PEMT: variants seen among roughly 807,000 people sequenced by gnomAD.
The protein encoded by PEMT is phospholipid methyltransferase.
A neutral mutation model predicts 27.4 loss-of-function variants in PEMT; 23 were observed. The ratio of observed to expected loss-of-function variants is 0.84; its 90% CI spans 0.60 to 1.19. PEMT has a LOEUF of 1.19. Among genes scored for constraint, PEMT ranks in the 50% most tolerant of loss-of-function variants. The pLI is 0.00. For missense variants in PEMT, 307 were observed against 310.1 expected (o/e 0.99, Z 0.07); for synonymous variants, 137 against 139.1 (o/e 0.98, Z 0.11).
chr17:17,549,494 T>C (rs887615256), intron 2 of PEMT, among the ~76,000 whole-genome samples: 2 of 152,210 alleles, frequency 1.3e-5, no homozygotes, highest in Non-Finnish European at 2.9e-5. Flanking sequence ...TTTGTAGAGA[T>C]GGGGTCTTGC....
At chr17:17,548,436 A>G (rs1172753644) in intron 2 of PEMT, among the ~76,000 whole-genome samples, 1 of 152,196 alleles carries the variant, frequency 6.6e-6, no homozygotes, top group Non-Finnish European at 1.5e-5. Flanking sequence ...TCTAGGCTGC[A>G]CTGGAGATCA....
At chr17:17,581,727 A>G (rs58701210) in intron 1 of PEMT, among the ~76,000 whole-genome samples, 3,651 of 152,208 alleles carry the variant, frequency 0.024, 160 homozygotes, top group African/African-American at 0.083. Flanking sequence ...CCAGGTCCCA[A>G]TGGCCTCAGG....
intron 2 of PEMT, among the ~76,000 whole-genome samples, chr17:17,531,971 A>G (rs1908132502): frequency 1.3e-5 from 2 of 152,242 alleles, no homozygotes; most frequent in African/African-American, 4.8e-5. Flanking sequence ...TTGGCAAAGC[A>G]CATACTTCTT....
chr17:17,523,860 C>G lies in PEMT; in HGVS notation c.205-1465G>C, dbSNP rs1043818026. Among the ~76,000 whole-genome samples the G allele has an allele frequency of 2.6e-5, 4 of 152,122 alleles. No homozygotes were observed. The highest frequency in any genetic ancestry group is 9.7e-5 in the African/African-American group (4 of 41,408). ...TCAAAGTAGTTTTTAGCTATGCAACCATCACCACGGTCTAAGTCCAGAACA... is the reference window on the plus strand; with the variant it reads ...TCAAAGTAGTTTTTAGCTATGCAACGATCACCACGGTCTAAGTCCAGAACA... On this transcript the variant is annotated intron_variant, in intron 2 of 6. Coordinates refer to ENST00000255389, the MANE Select transcript of PEMT (RefSeq NM_148172.3). This position sits in a 1 kb window ranked among gnomAD's most constrained non-coding sequence, Gnocchi z 4.8.
intron 2 of PEMT, among the ~76,000 whole-genome samples, chr17:17,529,186 G>A (rs1441704946): frequency 6.6e-6 from 1 of 152,198 alleles, no homozygotes; most frequent in East Asian, 1.9e-4. Context: ...CCTCTGCTCT[G>A]CACACGCTAG....
At chr17:17,557,172 C>T (rs888164858) in intron 2 of PEMT, among the ~76,000 whole-genome samples, 5 of 152,126 alleles carry the variant, frequency 3.3e-5, no homozygotes, top group Admixed American at 6.6e-5. Context: ...ACCCATGCAC[C>T]GGCTCCCGGC....
Position 17,582,867 on chromosome 17 carries a change from G to A in PEMT, c.97-5840C>T, listed in dbSNP as rs1370537388. Among the ~76,000 whole-genome samples, 1 of 152,140 alleles carries A rather than the reference G, an allele frequency of 6.6e-6. No homozygotes were observed. Among genetic ancestry groups the A allele is most frequent in the Admixed American group, 6.5e-5 (1 of 15,270 alleles). ...TCACAAGGCCAGGAGTCAGAGATCAGCCTGGCCAATATGGTGAAACCCCGT... is the reference window on the plus strand; with the variant it reads ...TCACAAGGCCAGGAGTCAGAGATCAACCTGGCCAATATGGTGAAACCCCGT... On this transcript the variant is annotated intron_variant, in intron 1 of 6. Transcript: ENST00000255389. The surrounding 1 kb of genome is among the most constrained non-coding windows in gnomAD (Gnocchi z 4.9).
chr17:17,590,357 C>T (rs1912529023), intron 1 of PEMT, among the ~76,000 whole-genome samples: 1 of 152,222 alleles, frequency 6.6e-6, no homozygotes, highest in Non-Finnish European at 1.5e-5. Flanking sequence ...AACTGCCTCC[C>T]TCCTCTGGGG....
At chr17:17,527,812 G>A (rs951189392) in intron 2 of PEMT, among the ~76,000 whole-genome samples, 5 of 152,254 alleles carry the variant, frequency 3.3e-5, no homozygotes, top group Non-Finnish European at 5.9e-5. Flanking sequence ...ACAGACCTGT[G>A]CCACACTGGG....
At chr17:17,551,675 A>G (rs1909663816) in intron 2 of PEMT, among the ~76,000 whole-genome samples, 1 of 152,222 alleles carries the variant, frequency 6.6e-6, no homozygotes, top group Non-Finnish European at 1.5e-5. Flanking sequence ...CAGCAATGTG[A>G]CACTGGAAGG....
At chr17:17,588,820 T>A (rs1912453980) in intron 1 of PEMT, among the ~76,000 whole-genome samples, 1 of 152,216 alleles carries the variant, frequency 6.6e-6, no homozygotes, top group Non-Finnish European at 1.5e-5. Context: ...CCCACTGCCT[T>A]CAGGCAGCTG....
chr17:17,543,652 TC>T (rs1367500975), intron 2 of PEMT, among the ~76,000 whole-genome samples: 2 of 152,074 alleles, frequency 1.3e-5, no homozygotes, highest in Non-Finnish European at 2.9e-5. Flanking sequence ...AAACTTCGCC[TC>T]CCAGGTTCAA....
intron 2 of PEMT, among the ~76,000 whole-genome samples, chr17:17,549,314 T>C (rs1909482428): frequency 6.6e-6 from 1 of 152,124 alleles, no homozygotes; most frequent in African/African-American, 2.4e-5. Context: ...CTCAGCCTCC[T>C]GAGTAGCTGG....
chr17:17,557,909 C>A (rs564878824), intron 2 of PEMT, among the ~76,000 whole-genome samples: 1 of 152,286 alleles, frequency 6.6e-6, no homozygotes, highest in South Asian at 2.1e-4. Flanking sequence ...AAGCGAATGG[C>A]CAGGGAGGGC....
At chr17:17,525,984 ACT>A (rs1230121872) in intron 2 of PEMT, among the ~76,000 whole-genome samples, 1 of 132,474 alleles carries the variant, frequency 7.5e-6, no homozygotes, top group Non-Finnish European at 1.6e-5. Flanking sequence ...ACAGAGCGAA[ACT>A]CTGTATCAAA....
chr17:17,545,282 T>G (rs1909177217), intron 2 of PEMT, among the ~76,000 whole-genome samples: 1 of 152,124 alleles, frequency 6.6e-6, no homozygotes, highest in African/African-American at 2.4e-5. Flanking sequence ...CCCCTCACCG[T>G]CCTGGCGTCC....
intron 1 of PEMT, among the ~76,000 whole-genome samples, chr17:17,577,953 C>T (rs1315399235): frequency 1.3e-5 from 2 of 148,242 alleles, no homozygotes; most frequent in Non-Finnish European, 3.0e-5. Context: ...GGAGGCGGAG[C>T]TTGCAGTGAG....
chr17:17,572,276 C>T (rs940699113), intron 2 of PEMT, among the ~76,000 whole-genome samples: 2 of 152,222 alleles, frequency 1.3e-5, no homozygotes, highest in Admixed American at 1.3e-4. Context: ...GTCCTTGGTG[C>T]AGTGACCTTG....
intron 1 of PEMT, among the ~76,000 whole-genome samples, chr17:17,588,543 TCAC>T (rs1170572128): frequency 6.6e-6 from 1 of 152,144 alleles, no homozygotes; most frequent in Non-Finnish European, 1.5e-5. Flanking sequence ...ATTCTGGTCT[TCAC>T]CATAACCCCC....
Sources: gnomAD v4.1 joint callset for allele counts (sites outside exome capture counted in the v4.1 genomes callset) on GRCh38, gnomAD v4.1.1 for gene constraint, Gnocchi (gnomAD v3.1) non-coding constraint, MANE v1.5 for transcripts, NCBI Gene and HGNC (gene_info 2026-07-23, HGNC 2026-07-21) for gene names.